MTMR3: variants seen among roughly 807,000 people sequenced by gnomAD.
MTMR3 encodes the protein myotubularin related protein 3.
Under a neutral mutation model 132.4 loss-of-function variants are expected in MTMR3, and 32 were observed. The observed-to-expected ratio is 0.24, with a 90% CI of 0.18 to 0.32. The LOEUF (loss-of-function observed/expected upper bound fraction) is 0.32, where lower values mean the gene tolerates loss of function less well. Among genes scored for constraint, MTMR3 ranks in the 10% least tolerant of loss-of-function variants. MTMR3 has a pLI of 1.00. For missense variants in MTMR3, 1,216 were observed against 1,489.6 expected, an observed-to-expected ratio of 0.82 and a Z score of 3.02; for synonymous variants, 556 against 550.3, an observed-to-expected ratio of 1.01 and a Z score of -0.14.
At chr22:29,975,440 C>T (rs1311084704) in intron 3 of MTMR3, among the ~76,000 whole-genome samples, 5 of 152,066 alleles carry the variant, frequency 3.3e-5, no homozygotes, top group African/African-American at 9.7e-5. Context: ...ATATCTACTT[C>T]GGCATTCAGT....
At chr22:29,907,692 G>C (rs984505089) in intron 1 of MTMR3, among the ~76,000 whole-genome samples, 2 of 152,186 alleles carry the variant, frequency 1.3e-5, no homozygotes, top group African/African-American at 4.8e-5. Context: ...TTGCACATAA[G>C]AGAATCTTTT....
chr22:29,953,407 G>A (rs145972177), intron 1 of MTMR3, among the ~76,000 whole-genome samples: 219 of 152,256 alleles, frequency 1.4e-3, no homozygotes, highest in African/African-American at 5.1e-3. Flanking sequence ...TGAAGCTGAT[G>A]TGCTAGGTGG....
intron 2 of MTMR3, among the ~76,000 whole-genome samples, chr22:29,957,436 T>C (rs200028762): frequency 1.3e-5 from 1 of 76,342 alleles, no homozygotes; most frequent in Non-Finnish European, 3.8e-5. Context: ...TTTATTTATT[T>C]ATTTATTTAT....
chr22:29,895,935 G>A (rs1212827820), intron 1 of MTMR3, among the ~76,000 whole-genome samples: 4 of 152,186 alleles, frequency 2.6e-5, no homozygotes, highest in Admixed American at 6.5e-5. Context: ...TCGTCGTTAC[G>A]TAGAATAAGA....
intron 1 of MTMR3, among the ~76,000 whole-genome samples, chr22:29,944,781 T>C (rs1019166229): frequency 6.6e-6 from 1 of 152,236 alleles, no homozygotes; most frequent in Non-Finnish European, 1.5e-5. Context: ...TCACAGAACA[T>C]GTAAACTCAT....
At chr22:29,969,690 C>T (rs1007143343) in intron 2 of MTMR3, among the ~76,000 whole-genome samples, 3 of 151,960 alleles carry the variant, frequency 2.0e-5, no homozygotes, top group African/African-American at 7.3e-5. Flanking sequence ...ACCCCCATGC[C>T]CTGCTAATTT....
rs1448537309 is a variant in MTMR3, at chr22:30,030,227, TAGTC to T, written c.*4430_*4433del. 1.3e-5 allele frequency: 2 copies of T among 152,260 alleles called. No individual in the cohort carries two copies. Among genetic ancestry groups the T allele is most frequent in the African/African-American group, 2.4e-5 (1 of 41,396 alleles). 9.4% of individuals were successfully genotyped at this position (152,260 alleles called of 1,614,324 possible). A position where few individuals can be genotyped will look rare whatever the true frequency, so the allele number is the denominator to read the frequency against. On this transcript the variant is annotated 3_prime_UTR_variant, in exon 20 of 20. Transcript: ENST00000401950. The stretch of plus-strand genomic sequence containing the variant: ...GTCTTTTCTATTATATCTGAGTAAC[TAGTC>T]AGTTTTTCTTACAGTGCTCATAGCA...
chr22:29,915,337 G>A (rs1755686921), intron 1 of MTMR3, among the ~76,000 whole-genome samples: 1 of 152,126 alleles, frequency 6.6e-6, no homozygotes, highest in Non-Finnish European at 1.5e-5. Flanking sequence ...CTTTTAGTCT[G>A]TGTATATATT....
At chr22:29,943,002 G>A (rs987238125) in intron 1 of MTMR3, among the ~76,000 whole-genome samples, 2 of 152,134 alleles carry the variant, frequency 1.3e-5, no homozygotes, top group African/African-American at 4.8e-5. Flanking sequence ...GAAGTAATAA[G>A]TGTCTGTGAA....
intron 14 of MTMR3, 43 bp downstream of exon 14, chr22:30,013,584 G>A (rs1440382679): frequency 6.3e-7 from 1 of 1,588,020 alleles, no homozygotes; most frequent in East Asian, 2.2e-5. Context: ...TTGAAGGAGG[G>A]TCAGTACAAA....
In MTMR3 at chr22:29,961,331, C is replaced by T. The variant is rs1321129982; in HGVS notation, c.-85+4243C>T. On this transcript the variant is annotated intron_variant, in intron 2 of 19. Coordinates refer to ENST00000401950, the MANE Select transcript of MTMR3 (RefSeq NM_021090.4). Reference sequence around the variant, plus strand: ...AAAAATGGAAACAACCTAAATGTCTCACTAATTGATGGATGGTTAAGTTAT... The same window carrying T: ...AAAAATGGAAACAACCTAAATGTCTTACTAATTGATGGATGGTTAAGTTAT... Among the ~76,000 whole-genome samples the T allele has an allele frequency of 2.0e-5, 3 of 151,966 alleles. 1 individual carries two copies. In the South Asian group the frequency reaches 6.2e-4, roughly 32 times the overall value.
rs189309250 is a variant in MTMR3, at chr22:29,969,430, G to C, written c.-84-1546G>C. Among the ~76,000 whole-genome samples the C allele has an allele frequency of 2.1e-3, 326 of 152,200 alleles. 2 individuals are homozygous for C. The highest frequency in any genetic ancestry group is 4.1e-3 in the Admixed American group (62 of 15,284). ...CCTTTTCATTGCTATATTGTCTCTT[G>C]CTGGGGTTAATGACGCTTTCTAATT... On this transcript the variant is annotated intron_variant, in intron 2 of 19. Transcript: ENST00000401950.
intron 1 of MTMR3, among the ~76,000 whole-genome samples, chr22:29,900,775 G>A (rs1423561924): frequency 1.3e-5 from 2 of 152,094 alleles, no homozygotes; most frequent in African/African-American, 2.4e-5. Context: ...AGTGAGTGGC[G>A]TGATCTTGGC....
Position 30,030,638 on chromosome 22 carries a change from C to CAGG in MTMR3, c.*4837_*4838insAGG, listed in dbSNP as rs777494343. On this transcript the variant is annotated 3_prime_UTR_variant, in exon 20 of 20. Coordinates refer to ENST00000401950, the MANE Select transcript of MTMR3 (RefSeq NM_021090.4). ...AGAGGGGCTCTCAGCGAGGAGGGGG[C>CAGG]GGGGGGGGGGTCACTATTTATCTTC... 1 of 50,446 alleles carries CAGG rather than the reference C, an allele frequency of 2.0e-5. No individual in the cohort carries two copies. The highest frequency in any genetic ancestry group is 4.0e-5 in the Non-Finnish European group (1 of 24,894). 3.1% of individuals were successfully genotyped at this position (50,446 alleles called of 1,614,324 possible). A position where few individuals can be genotyped will look rare whatever the true frequency, so the allele number is the denominator to read the frequency against.
intron 1 of MTMR3, among the ~76,000 whole-genome samples, chr22:29,901,628 C>T (rs2065004040): frequency 6.6e-6 from 1 of 152,254 alleles, no homozygotes; most frequent in Middle Eastern, 3.4e-3. Flanking sequence ...CTCTGGCAAC[C>T]ACTGATCTGT....
chr22:29,962,194 G>C (rs997736358), intron 2 of MTMR3, among the ~76,000 whole-genome samples: 1 of 152,208 alleles, frequency 6.6e-6, no homozygotes, highest in Non-Finnish European at 1.5e-5. Flanking sequence ...GCAGTAAGGA[G>C]TGAAAAGCGA....
At chr22:29,988,620 TG>T in intron 6 of MTMR3, 58 bp downstream of exon 6, 1 of 1,324,516 alleles carries the variant, frequency 7.5e-7, no homozygotes, top group Non-Finnish European at 1.1e-6. Context: ...TTTTAAAGAA[TG>T]GGTCCATTAT....
rs976504687 is a variant in MTMR3 at position 30,030,650 on chromosome 22, C to T, written c.*4849C>T. Reference sequence around the variant, plus strand: ...AGCGAGGAGGGGGCGGGGGGGGGGTCACTATTTATCTTCCAGAGGCAGGGT... The same window carrying T: ...AGCGAGGAGGGGGCGGGGGGGGGGTTACTATTTATCTTCCAGAGGCAGGGT... On this transcript the variant is annotated 3_prime_UTR_variant, in exon 20 of 20. Transcript: ENST00000401950. 3.5e-5 allele frequency: 4 copies of T among 115,684 alleles called. No homozygotes were observed. The highest frequency in any genetic ancestry group is 1.3e-4 in the African/African-American group (4 of 31,054). The allele number at this position is 115,684 out of a possible 1,614,324, so 7.2% of individuals were successfully genotyped here. A position where few individuals can be genotyped will look rare whatever the true frequency, so the allele number is the denominator to read the frequency against.
At chr22:29,945,712 G>GAAAAAAAAAAA (rs1238843477) in intron 1 of MTMR3, among the ~76,000 whole-genome samples, 1 of 78,110 alleles carries the variant, frequency 1.3e-5, no homozygotes, top group African/African-American at 6.4e-5. Flanking sequence ...TCTTTAAAAT[G>GAAAAAAAAAAA]AAAAAGAAAA....
Sources: allele counts gnomAD v4.1 joint callset (sites outside exome capture counted in the v4.1 genomes callset), GRCh38; gene constraint gnomAD v4.1.1; transcripts MANE v1.5; gene names NCBI Gene and HGNC (gene_info 2026-07-23, HGNC 2026-07-21).